PCDHA1: variants seen among roughly 807,000 people sequenced by gnomAD.
PCDHA1 encodes the protein protocadherin alpha-1.
PCDHA1 carries 42 observed loss-of-function variants against 61.3 expected under a neutral mutation model. The ratio of observed to expected loss-of-function variants is 0.69; its 90% CI spans 0.54 to 0.89. The LOEUF (loss-of-function observed/expected upper bound fraction) is 0.89. Among genes scored for constraint, PCDHA1 ranks in the 40% least tolerant of loss-of-function variants. The pLI is 0.00. For synonymous variants in PCDHA1, 610 were observed against 553.8 expected, an observed-to-expected ratio of 1.10 and a Z score of -1.43; for missense variants, 1,256 against 1,235.3, an observed-to-expected ratio of 1.02 and a Z score of -0.25.
At chr5:140,816,978 A>G (rs1367187399) in intron 1 of PCDHA1, 1 of 152,086 alleles carries the variant, frequency 6.6e-6, no homozygotes, top group African/African-American at 2.4e-5. Flanking sequence ...GCCCACTAAA[A>G]TTCAGGAACT....
Position 140,877,923 on chromosome 5 carries a change from T to C in PCDHA1, c.2394+89239T>C, listed in dbSNP as rs1252401405. ...ATAACTACATTCTCTCATTTTTCTTTATGATTCTATCCTTTAAACTATCGA... is the reference window on the plus strand; with the variant it reads ...ATAACTACATTCTCTCATTTTTCTTCATGATTCTATCCTTTAAACTATCGA... On this transcript the variant is annotated intron_variant, in intron 1 of 3. Coordinates refer to ENST00000504120, the MANE Select transcript of PCDHA1 (RefSeq NM_018900.4). 5 of 1,421,040 alleles carry C rather than the reference T, an allele frequency of 3.5e-6. No individual in the cohort carries two copies. The African/African-American group carries it at 5.8e-5, about 16-fold the overall frequency. The allele number at this position is 1,421,040 out of a possible 1,614,324, so 88.0% of individuals were successfully genotyped here. A position where few individuals can be genotyped will look rare whatever the true frequency, so the allele number is the denominator to read the frequency against.
chr5:140,943,465 G>C (rs1332571516), intron 1 of PCDHA1, among the ~76,000 whole-genome samples: 3 of 152,022 alleles, frequency 2.0e-5, no homozygotes, highest in African/African-American at 7.2e-5. Context: ...CTAAATGTGG[G>C]AGATACAGTA....
At chr5:140,924,812 T>G (rs947021976) in intron 1 of PCDHA1, among the ~76,000 whole-genome samples, 2 of 151,424 alleles carry the variant, frequency 1.3e-5, no homozygotes, top group African/African-American at 4.9e-5. Flanking sequence ...AGAGAATCGC[T>G]TGAACCTGGG....
At chr5:140,883,940 G>A in intron 1 of PCDHA1, 1 of 1,613,412 alleles carries the variant, frequency 6.2e-7, no homozygotes, top group Non-Finnish European at 8.5e-7. Flanking sequence ...CGTGCTGGAC[G>A]AGAACGACAA....
chr5:140,925,964 CA>C lies in PCDHA1; in HGVS notation c.2395-52976del, dbSNP rs782520997. Among the ~76,000 whole-genome samples the C allele has an allele frequency of 8.1e-3, 1,224 of 150,190 alleles. 5 individuals carry two copies. The highest frequency in any genetic ancestry group is 0.019 in the African/African-American group (788 of 40,962). ...TGGAGAAGGAGAAACTGCTATCACG[CA>C]AAAAAAAAGCCTTGAGCTCGCTGGC... On this transcript the variant is annotated intron_variant, in intron 1 of 3. Transcript: ENST00000504120.
At chr5:140,974,151 G>A (rs2096617637) in intron 1 of PCDHA1, among the ~76,000 whole-genome samples, 1 of 152,118 alleles carries the variant, frequency 6.6e-6, no homozygotes, top group Non-Finnish European at 1.5e-5. Context: ...ACTATACAAG[G>A]GTTTTTCTTT....
At chr5:140,877,811 G>A in intron 1 of PCDHA1, 1 of 1,610,242 alleles carries the variant, frequency 6.2e-7, no homozygotes, top group Non-Finnish European at 8.5e-7. Context: ...CAGCTGTCTC[G>A]AGAAGATTGT....
intron 1 of PCDHA1, chr5:140,883,596 T>C: frequency 1.2e-6 from 2 of 1,613,794 alleles, no homozygotes; most frequent in East Asian, 4.5e-5. Context: ...AGCGTGTCGG[T>C]GGGGGTGGCC....
intron 3 of PCDHA1, among the ~76,000 whole-genome samples, chr5:140,993,088 CTA>C (rs1420227988): frequency 6.6e-6 from 1 of 152,202 alleles, no homozygotes; most frequent in Non-Finnish European, 1.5e-5. Flanking sequence ...ATCAGCAGGG[CTA>C]TGTTTATTCA....
At chr5:140,849,767 G>A (rs1373587941) in intron 1 of PCDHA1, 1 of 1,598,498 alleles carries the variant, frequency 6.3e-7, no homozygotes, top group Non-Finnish European at 8.6e-7. Flanking sequence ...ACGAGCTGGT[G>A]GTTACCGCGC....
intron 3 of PCDHA1, among the ~76,000 whole-genome samples, chr5:140,998,707 A>G (rs1230153468): frequency 6.6e-6 from 1 of 151,942 alleles, no homozygotes; most frequent in African/African-American, 2.4e-5. Flanking sequence ...TGGGATTACA[A>G]GCTTGCACCA....
intron 1 of PCDHA1, among the ~76,000 whole-genome samples, chr5:140,905,881 T>C (rs1241086266): frequency 1.3e-5 from 2 of 152,080 alleles, no homozygotes; most frequent in Non-Finnish European, 2.9e-5. Context: ...GGCCCAACAA[T>C]AGGCCATCTG....
intron 1 of PCDHA1, chr5:140,869,548 G>C (rs2051232334): frequency 1.2e-6 from 2 of 1,614,084 alleles, no homozygotes; most frequent in African/African-American, 2.7e-5. Context: ...TAAGCAATCG[G>C]ACTCGCGTTT....
At chr5:140,911,312 T>C (rs2075424091) in intron 1 of PCDHA1, among the ~76,000 whole-genome samples, 1 of 152,154 alleles carries the variant, frequency 6.6e-6, no homozygotes, top group African/African-American at 2.4e-5. Context: ...CCATTCCAAG[T>C]TTCAGGATCC....
intron 1 of PCDHA1, chr5:140,801,707 C>G (rs782723045): frequency 6.2e-7 from 1 of 1,614,108 alleles, no homozygotes; most frequent in South Asian, 1.1e-5. Flanking sequence ...TGTTGACTTA[C>G]AGTCTTGATT....
At chr5:140,921,244 A>G (rs1167584267) in intron 1 of PCDHA1, among the ~76,000 whole-genome samples, 1 of 152,180 alleles carries the variant, frequency 6.6e-6, no homozygotes, top group African/African-American at 2.4e-5. Flanking sequence ...TAAGCCACAG[A>G]TCAAAAAGTC....
At chr5:140,959,331 T>C (rs1170663171) in intron 1 of PCDHA1, among the ~76,000 whole-genome samples, 1 of 152,072 alleles carries the variant, frequency 6.6e-6, no homozygotes. Flanking sequence ...GTTTTGATTA[T>C]GCTACTGCAC....
intron 1 of PCDHA1, chr5:140,808,556 C>A: frequency 1.2e-6 from 2 of 1,614,130 alleles, no homozygotes; most frequent in Admixed American, 3.3e-5. Flanking sequence ...GGCGTTCGCG[C>A]AGCCCGAGTA....
chr5:140,802,209 C>T lies in PCDHA1; in HGVS notation c.2394+13525C>T, dbSNP rs782580003. On this transcript the variant is annotated intron_variant, in intron 1 of 3. Transcript: ENST00000504120. The stretch of plus-strand genomic sequence containing the variant: ...AATGTCAGATCACTGCACAGTTCTA[C>T]TCGAAATTGTGGACATCAATGATAA... 2.5e-6 allele frequency: 4 copies of T among 1,614,192 alleles called. No homozygotes were observed. The South Asian group carries it at 4.4e-5, about 18-fold the overall frequency.
Sources: gnomAD v4.1 joint callset for allele counts (sites outside exome capture counted in the v4.1 genomes callset) on GRCh38, gnomAD v4.1.1 for gene constraint, MANE v1.5 for transcripts, NCBI Gene and HGNC (gene_info 2026-07-23, HGNC 2026-07-21) for gene names.